PRIMPOL: variants seen among roughly 807,000 people sequenced by gnomAD.
PRIMPOL encodes primase and DNA directed polymerase.
In PRIMPOL, 54 loss-of-function variants were observed where a neutral mutation model predicts 63.6. The ratio of observed to expected loss-of-function variants is 0.85; its 90% CI spans 0.68 to 1.07. PRIMPOL has a LOEUF of 1.07. Ranked by LOEUF, PRIMPOL falls within the 50% of genes least tolerant of loss-of-function variation. PRIMPOL has a pLI of 0.00. For synonymous variants in PRIMPOL, 197 were observed against 220.2 expected (o/e 0.89, Z 0.93); for missense variants, 610 against 648.3 (o/e 0.94, Z 0.64).
Position 184,681,341 on chromosome 4 carries a change from C to T in PRIMPOL, c.1008-907C>T, listed in dbSNP as rs116723512. 9.0e-4 allele frequency among the ~76,000 whole-genome samples: 137 copies of T among 152,088 alleles called. 1 individual carries two copies. The highest frequency in any genetic ancestry group is 3.2e-3 in the African/African-American group (134 of 41,500). ...GTGAATAGAGTTATATAGTCGTCTC[C>T]TGGTGTCTGTGGGTGATTATTATTC... On this transcript the variant is annotated intron_variant, in intron 8 of 13. Transcript: ENST00000314970.
rs527424376 is a variant in PRIMPOL, at chr4:184,655,901, A to G, written c.-59-1181A>G. On this transcript the variant is annotated intron_variant, in intron 2 of 13. Coordinates refer to ENST00000314970, the MANE Select transcript of PRIMPOL (RefSeq NM_152683.4). ...GGAACTCTATTAATTACCTATTTCT[A>G]TGTCAAAGCCAGCCCCAAACTTACT... Among the ~76,000 whole-genome samples, 6 of 152,324 alleles carry G rather than the reference A, an allele frequency of 3.9e-5. No homozygotes were observed. In the East Asian group the frequency reaches 5.8e-4, roughly 15 times the overall value.
Position 184,664,598 on chromosome 4 carries a change from G to A in PRIMPOL, c.409-1319G>A, listed in dbSNP as rs1405943. Among the ~76,000 whole-genome samples the A allele has an allele frequency of 3.6e-3, 546 of 152,240 alleles. 6 individuals carry two copies. The highest frequency in any genetic ancestry group is 0.012 in the African/African-American group (501 of 41,558). On this transcript the variant is annotated intron_variant, in intron 5 of 13. Coordinates refer to ENST00000314970, the MANE Select transcript of PRIMPOL (RefSeq NM_152683.4). Reference sequence around the variant, plus strand: ...AGTCAGTACAAATGGAGAAGGGGACGGTACGCCCTTTGCCTGTTAGAGGAT... The same window carrying A: ...AGTCAGTACAAATGGAGAAGGGGACAGTACGCCCTTTGCCTGTTAGAGGAT...
chr4:184,653,628 G>A (rs1039410295), intron 2 of PRIMPOL, among the ~76,000 whole-genome samples: 3 of 152,146 alleles, frequency 2.0e-5, no homozygotes, highest in Non-Finnish European at 4.4e-5. Flanking sequence ...GGGATTACAG[G>A]TGCAAGCCAC....
At chr4:184,650,554 ATGGGG>A (rs1409585275) in intron 1 of PRIMPOL, among the ~76,000 whole-genome samples, 1 of 152,248 alleles carries the variant, frequency 6.6e-6, no homozygotes, top group African/African-American at 2.4e-5. Flanking sequence ...AAATGTAAAA[ATGGGG>A]TCTTCTCCTA....
chr4:184,690,583 C>T (rs545682145), intron 11 of PRIMPOL, among the ~76,000 whole-genome samples: 1 of 152,152 alleles, frequency 6.6e-6, no homozygotes, highest in African/African-American at 2.4e-5. Flanking sequence ...CCTCAGCCTC[C>T]CAAGTAGCTG....
chr4:184,652,702 A>G (rs904030326), intron 2 of PRIMPOL, among the ~76,000 whole-genome samples: 2 of 152,202 alleles, frequency 1.3e-5, no homozygotes, highest in African/African-American at 2.4e-5. Flanking sequence ...AAGGGATTAT[A>G]TTAAGAAAAT....
At chr4:184,668,669 C>G (rs1447911952) in intron 6 of PRIMPOL, among the ~76,000 whole-genome samples, 1 of 152,180 alleles carries the variant, frequency 6.6e-6, no homozygotes, top group African/African-American at 2.4e-5. Context: ...ATCTCAAACC[C>G]TAAGCCTTAC....
chr4:184,688,529 A>C (rs1404421963), intron 11 of PRIMPOL, among the ~76,000 whole-genome samples: 1 of 152,236 alleles, frequency 6.6e-6, no homozygotes, highest in African/African-American at 2.4e-5. Context: ...CAAATGGGGC[A>C]GAGTGAGGCC....
intron 3 of PRIMPOL, chr4:184,657,532 A>C: frequency 2.2e-6 from 1 of 456,108 alleles, no homozygotes; most frequent in South Asian, 3.4e-5. Context: ...TTTAATTTAT[A>C]TTAGTAATGA....
chr4:184,674,500 G>GTATTTT (rs2150103448), intron 7 of PRIMPOL, among the ~76,000 whole-genome samples: 3 of 152,206 alleles, frequency 2.0e-5, no homozygotes, highest in African/African-American at 7.2e-5. Flanking sequence ...AGTTTTGCCT[G>GTATTTT]TATTTTTACT....
intron 13 of PRIMPOL, among the ~76,000 whole-genome samples, chr4:184,693,175 C>T (rs1759374777): frequency 6.6e-6 from 1 of 152,188 alleles, no homozygotes; most frequent in African/African-American, 2.4e-5. Context: ...CATTCTTGGT[C>T]TGCAAGAACT....
At position 184,691,786 on chromosome 4, in the gene PRIMPOL, G is replaced by A. The variant is rs575918951; in HGVS notation, c.1425+74G>A. 9.6e-6 allele frequency: 11 copies of A among 1,142,436 alleles called. No individual in the cohort carries two copies. In the East Asian group the frequency reaches 2.4e-4, roughly 24 times the overall value. 70.8% of individuals were successfully genotyped at this position (1,142,436 alleles called of 1,614,324 possible). On this transcript the variant is annotated intron_variant, in intron 13 of 13. Coordinates refer to ENST00000314970, the MANE Select transcript of PRIMPOL (RefSeq NM_152683.4). ...CAATAGTATACCTGAGCCATGAGTA[G>A]TGTCCAAATAGCATTGAAACCCATT...
chr4:184,689,736 G>T (rs553959663), intron 11 of PRIMPOL, among the ~76,000 whole-genome samples: 51 of 152,094 alleles, frequency 3.4e-4, no homozygotes, highest in African/African-American at 1.2e-3. Flanking sequence ...TTACAGGCGC[G>T]AGCCACCATG....
At chr4:184,667,471 C>T (rs772614316) in intron 6 of PRIMPOL, among the ~76,000 whole-genome samples, 41 of 152,144 alleles carry the variant, frequency 2.7e-4, no homozygotes, top group Non-Finnish European at 4.0e-4. Flanking sequence ...CCACCATGCC[C>T]GGCTAAGTTT....
chr4:184,653,699 A>G (rs1745389046), intron 2 of PRIMPOL, among the ~76,000 whole-genome samples: 1 of 152,046 alleles, frequency 6.6e-6, no homozygotes, highest in Admixed American at 6.6e-5. Flanking sequence ...GAACTTGGAA[A>G]CTTACCAAAA....
chr4:184,682,099 C>A, intron 8 of PRIMPOL, 149 bp from the exon 9 acceptor site: 1 of 497,908 alleles, frequency 2.0e-6, no homozygotes, highest in Non-Finnish European at 3.7e-6. Flanking sequence ...GTTTTGTGGG[C>A]AAATGTGGCA....
At chr4:184,664,955 G>A (rs1399602165) in intron 5 of PRIMPOL, among the ~76,000 whole-genome samples, 1 of 152,178 alleles carries the variant, frequency 6.6e-6, no homozygotes, top group Non-Finnish European at 1.5e-5. Flanking sequence ...AAAGCCAGAG[G>A]GCATGAGGAC....
intron 11 of PRIMPOL, among the ~76,000 whole-genome samples, chr4:184,689,144 C>A (rs1757793597): frequency 6.7e-6 from 1 of 149,806 alleles, no homozygotes; most frequent in South Asian, 2.1e-4. Context: ...GAGCTCACTG[C>A]AGCCTTGATC....
At chr4:184,675,188 G>A (rs1579479458) in intron 7 of PRIMPOL, among the ~76,000 whole-genome samples, 1 of 152,332 alleles carries the variant, frequency 6.6e-6, no homozygotes, top group Middle Eastern at 3.4e-3. Flanking sequence ...TTATGGCAGT[G>A]TAGTATGTAC....
Sources: gnomAD v4.1 joint callset for allele counts (sites outside exome capture counted in the v4.1 genomes callset) on GRCh38, gnomAD v4.1.1 for gene constraint, MANE v1.5 for transcripts, NCBI Gene and HGNC (gene_info 2026-07-23, HGNC 2026-07-21) for gene names.